RAPGEF2: variants seen among roughly 807,000 people sequenced by gnomAD.
RAPGEF2 encodes Rap guanine nucleotide exchange factor 2.
In RAPGEF2, 54 loss-of-function variants were observed where a neutral mutation model predicts 186.7. The ratio of observed to expected loss-of-function variants is 0.29; its 90% CI spans 0.23 to 0.36. RAPGEF2 has a LOEUF of 0.36. RAPGEF2 is among the 10% of genes least tolerant of loss of function. The probability of loss-of-function intolerance (pLI) is 1.00; values close to 1 mark genes in which losing one functional copy is unlikely to be tolerated. For synonymous variants in RAPGEF2, 712 were observed against 705.9 expected (o/e 1.01, Z -0.14); for missense variants, 1,532 against 2,045.0 (o/e 0.75, Z 4.84).
chr4:159,323,903 G>A (rs1321225080), intron 11 of RAPGEF2, among the ~76,000 whole-genome samples: 6 of 149,614 alleles, frequency 4.0e-5, no homozygotes, highest in Non-Finnish European at 7.4e-5. Context: ...GTTTTTTGGA[G>A]GGCTTTTTTT....
chr4:159,150,728 G>GAC (rs1743448275), intron 1 of RAPGEF2, among the ~76,000 whole-genome samples: 1 of 152,228 alleles, frequency 6.6e-6, no homozygotes, highest in Admixed American at 6.5e-5. Context: ...CAGGAGTATT[G>GAC]ACTGTTCGAG....
chr4:159,123,951 GT>G (rs977254336), intron 1 of RAPGEF2, among the ~76,000 whole-genome samples: 7 of 152,060 alleles, frequency 4.6e-5, no homozygotes, highest in African/African-American at 1.7e-4. Flanking sequence ...TGCCTCCCGG[GT>G]TCAAGCAATT....
rs373230071 is a variant in RAPGEF2 at position 159,254,226 on chromosome 4, C to G, written c.543+10435C>G. On this transcript the variant is annotated intron_variant, in intron 7 of 29. Transcript: ENST00000691494. ...AATACAAGGACAATATTGGTAATAA[C>G]AGTAGTTACATAGTAGTAGTGATGC... Among the ~76,000 whole-genome samples the G allele has an allele frequency of 1.2e-4, 18 of 152,290 alleles. No individual in the cohort carries two copies. The East Asian group carries it at 1.7e-3, about 15-fold the overall frequency.
Position 159,353,961 on chromosome 4 carries a change from A to G in RAPGEF2, c.4566A>G (p.Leu1522=). The G allele has an allele frequency of 1.9e-6, 3 of 1,613,950 alleles. No individual in the cohort carries two copies. The highest frequency in any genetic ancestry group is 1.3e-5 in the African/African-American group (1 of 75,068). Reference sequence around the variant, plus strand: ...CCATTGAAGCCGAAAGCAGTAGCCTAACGTCTGTGACTACGGAAGAAACCA... The same window carrying G: ...CCATTGAAGCCGAAAGCAGTAGCCTGACGTCTGTGACTACGGAAGAAACCA... ...DVSIEAESSS[L]TSVTTEETKP... is the part of the protein sequence containing the mutation. The change falls in exon 28 of 30, where the codon CTA becomes CTG. Residue 1522 remains leucine, a synonymous_variant. Coordinates refer to ENST00000691494, the MANE Select transcript of RAPGEF2 (RefSeq NM_001394067.2). The surrounding 1 kb of genome is among the most constrained non-coding windows in gnomAD (Gnocchi z 4.3).
chr4:159,295,777 G>A (rs1175226935), intron 7 of RAPGEF2, among the ~76,000 whole-genome samples: 2 of 149,536 alleles, frequency 1.3e-5, no homozygotes, highest in African/African-American at 2.5e-5. Context: ...GCGCGCGCAT[G>A]CACATAATGT....
chr4:159,122,930 A>C (rs1361322177), intron 1 of RAPGEF2, among the ~76,000 whole-genome samples: 2 of 152,342 alleles, frequency 1.3e-5, no homozygotes, highest in Non-Finnish European at 2.9e-5. Context: ...CAGTTACCCA[A>C]AATTTCAGAT....
intron 1 of RAPGEF2, among the ~76,000 whole-genome samples, chr4:159,150,215 C>G (rs1743392858): frequency 6.6e-6 from 1 of 152,034 alleles, no homozygotes; most frequent in African/African-American, 2.4e-5. Flanking sequence ...ACCATGACCA[C>G]TGAATTAGCG....
intron 14 of RAPGEF2, 26 bp downstream of exon 14, chr4:159,331,564 T>G: frequency 6.2e-7 from 1 of 1,610,730 alleles, no homozygotes; most frequent in Non-Finnish European, 8.5e-7. Context: ...TTTTTTAAGA[T>G]CAGCTTAAAG....
chr4:159,215,331 C>G (rs961823111), intron 4 of RAPGEF2, among the ~76,000 whole-genome samples: 1 of 151,922 alleles, frequency 6.6e-6, no homozygotes, highest in Non-Finnish European at 1.5e-5. Context: ...CACCAGCATT[C>G]CCTGCTGATC....
At chr4:159,165,628 G>GT (rs1197485536) in intron 1 of RAPGEF2, among the ~76,000 whole-genome samples, 3 of 152,226 alleles carry the variant, frequency 2.0e-5, no homozygotes, top group East Asian at 1.9e-4. Context: ...ATTTTTGTTT[G>GT]TTTTTTTGAG....
chr4:159,139,882 G>A (rs1359238243), intron 1 of RAPGEF2, among the ~76,000 whole-genome samples: 2 of 152,140 alleles, frequency 1.3e-5, no homozygotes, highest in Admixed American at 6.5e-5. Context: ...TATTAGGGGT[G>A]GAGTCATGGA....
chr4:159,118,569 A>G (rs1170948948), intron 1 of RAPGEF2, among the ~76,000 whole-genome samples: 1 of 148,486 alleles, frequency 6.7e-6, no homozygotes, highest in Non-Finnish European at 1.5e-5. Context: ...CCTCTGCATT[A>G]ATGTATATTA....
chr4:159,155,849 C>T (rs533476831), intron 1 of RAPGEF2, among the ~76,000 whole-genome samples: 4 of 151,482 alleles, frequency 2.6e-5, no homozygotes, highest in African/African-American at 9.7e-5. Flanking sequence ...TTAATTACAT[C>T]TCACAAATTT....
intron 5 of RAPGEF2, among the ~76,000 whole-genome samples, chr4:159,239,549 CAG>C (rs1031943930): frequency 4.3e-4 from 65 of 152,152 alleles, no homozygotes; most frequent in Admixed American, 1.0e-3. Flanking sequence ...AATTTATAAA[CAG>C]AGATTATACA....
At chr4:159,288,710 G>A (rs959259275) in intron 7 of RAPGEF2, among the ~76,000 whole-genome samples, 3 of 152,102 alleles carry the variant, frequency 2.0e-5, no homozygotes, top group African/African-American at 7.2e-5. Context: ...ACCTTCCAGT[G>A]CATGAACTCC....
chr4:159,122,492 G>A (rs978262804), intron 1 of RAPGEF2, among the ~76,000 whole-genome samples: 3 of 151,698 alleles, frequency 2.0e-5, no homozygotes, highest in Non-Finnish European at 4.4e-5. Flanking sequence ...AAAAAAAAAA[G>A]TTAAAATTTA....
chr4:159,121,100 G>A (rs543119078), intron 1 of RAPGEF2, among the ~76,000 whole-genome samples: 1 of 152,128 alleles, frequency 6.6e-6, no homozygotes, highest in Non-Finnish European at 1.5e-5. Flanking sequence ...CTATCTGCCT[G>A]CCTTGGCCTC....
At chr4:159,163,723 C>A (rs1215855681) in intron 1 of RAPGEF2, among the ~76,000 whole-genome samples, 1 of 152,098 alleles carries the variant, frequency 6.6e-6, no homozygotes, top group South Asian at 2.1e-4. Context: ...TGACTCAGCA[C>A]ATTTTAATTG....
In RAPGEF2 at chr4:159,237,842, TAAAAA is replaced by T. The variant is rs58593781; in HGVS notation, c.282-942_282-938del. ...AGCTAGACTTTGTCTCTACAAAAAT[TAAAAA>T]AAAAAAAAAAAAAAAAAAAAAAAAG... is the stretch of plus-strand genomic sequence containing the variant. On this transcript the variant is annotated intron_variant, in intron 4 of 29. Transcript: ENST00000691494. 8.1e-3 allele frequency among the ~76,000 whole-genome samples: 543 copies of T among 66,922 alleles called. 3 individuals carry two copies. The highest frequency in any genetic ancestry group is 0.022 in the African/African-American group (399 of 18,230). The allele number at this position is 66,922 out of a possible 152,430, so 43.9% of individuals were successfully genotyped here. A position where few individuals can be genotyped will look rare whatever the true frequency, so the allele number is the denominator to read the frequency against.
Sources: gnomAD v4.1 joint callset for allele counts (sites outside exome capture counted in the v4.1 genomes callset) on GRCh38, gnomAD v4.1.1 for gene constraint, Gnocchi (gnomAD v3.1) non-coding constraint, MANE v1.5 for transcripts, NCBI Gene and HGNC (gene_info 2026-07-23, HGNC 2026-07-21) for gene names.